Variants in ADAMTSL3 observed in about 807,000 individuals in gnomAD.
ADAMTSL3 encodes ADAMTS-like protein 3.
ADAMTSL3 carries 128 observed loss-of-function variants against 201.7 expected under a neutral mutation model. The observed-to-expected ratio is 0.63, with a 90% CI of 0.55 to 0.73. The LOEUF is 0.73. ADAMTSL3 is among the 30% of genes least tolerant of loss of function. The pLI is 0.00. For synonymous variants in ADAMTSL3, 738 were observed against 748.4 expected (o/e 0.99, Z 0.23); for missense variants, 1,990 against 2,119.6 (o/e 0.94, Z 1.20).
At chr15:84,030,215 G>A (rs923478548) in intron 27 of ADAMTSL3, among the ~76,000 whole-genome samples, 1 of 152,120 alleles carries the variant, frequency 6.6e-6, no homozygotes, top group African/African-American at 2.4e-5. Flanking sequence ...TAGATCTACT[G>A]ACAGCTTGTG....
At chr15:83,849,188 A>G (rs917810600) in intron 7 of ADAMTSL3, among the ~76,000 whole-genome samples, 2 of 152,170 alleles carry the variant, frequency 1.3e-5, no homozygotes, top group Admixed American at 6.6e-5. Flanking sequence ...ATGCAATAGC[A>G]TAATCCTGGC....
intron 15 of ADAMTSL3, among the ~76,000 whole-genome samples, chr15:83,910,056 G>A (rs772450277): frequency 5.9e-5 from 9 of 152,064 alleles, no homozygotes; most frequent in Non-Finnish European, 1.3e-4. Context: ...TCTGGCCTCT[G>A]TGTCATTAAT....
At chr15:83,879,365 C>A (rs2065232806) in intron 9 of ADAMTSL3, among the ~76,000 whole-genome samples, 1 of 152,014 alleles carries the variant, frequency 6.6e-6, no homozygotes, top group African/African-American at 2.4e-5. Context: ...CATCTTTTCT[C>A]CCTAAAACAT....
chr15:84,023,755 A>T (rs902872616), intron 26 of ADAMTSL3, among the ~76,000 whole-genome samples: 3 of 152,172 alleles, frequency 2.0e-5, no homozygotes, highest in African/African-American at 7.2e-5. Flanking sequence ...ACACTTTCAT[A>T]CCTAGAAGAG....
At chr15:83,822,200 G>T (rs1029889858) in intron 6 of ADAMTSL3, among the ~76,000 whole-genome samples, 1 of 150,784 alleles carries the variant, frequency 6.6e-6, no homozygotes, top group African/African-American at 2.4e-5. Flanking sequence ...CTCCCGGACG[G>T]GGTGGCTGCC....
chr15:84,025,198 A>G (rs934664066), intron 26 of ADAMTSL3, 40 bp from the exon 27 acceptor site: 10 of 1,526,740 alleles, frequency 6.5e-6, no homozygotes, highest in Middle Eastern at 1.8e-4. Context: ...AAGATCTGGC[A>G]TACCAGTCCT....
intron 2 of ADAMTSL3, among the ~76,000 whole-genome samples, chr15:83,674,758 C>CATATATACATATAT (rs1567064150): frequency 4.1e-5 from 4 of 97,210 alleles, no homozygotes; most frequent in Non-Finnish European, 4.1e-5. Context: ...TATATACACA[C>CATATATACATATAT]ATATATACAT....
chr15:83,877,167 T>G (rs1285857696), intron 9 of ADAMTSL3, among the ~76,000 whole-genome samples: 2 of 152,206 alleles, frequency 1.3e-5, no homozygotes, highest in East Asian at 3.8e-4. Flanking sequence ...CTCAAACTCC[T>G]GAGCTCAAGC....
intron 6 of ADAMTSL3, among the ~76,000 whole-genome samples, chr15:83,820,815 C>T (rs1375814252): frequency 6.6e-6 from 1 of 152,182 alleles, no homozygotes; most frequent in Non-Finnish European, 1.5e-5. Flanking sequence ...GAGGCTCACC[C>T]TGTAATCCCA....
At chr15:83,712,133 C>G (rs1363185402) in intron 3 of ADAMTSL3, among the ~76,000 whole-genome samples, 2 of 152,220 alleles carry the variant, frequency 1.3e-5, no homozygotes, top group Non-Finnish European at 2.9e-5. Flanking sequence ...TTGTTTTGAG[C>G]AACTCAGTTC....
chr15:83,871,156 T>C, intron 9 of ADAMTSL3, among the ~76,000 whole-genome samples, 197 bp downstream of exon 9: 1 of 152,234 alleles, frequency 6.6e-6, no homozygotes, highest in Non-Finnish European at 1.5e-5. Context: ...ACCCTAACAG[T>C]TAAAAAACAA....
chr15:83,895,861 CATTAAA>C (rs1353781390), intron 13 of ADAMTSL3, among the ~76,000 whole-genome samples: 2 of 152,106 alleles, frequency 1.3e-5, no homozygotes, highest in Admixed American at 1.3e-4. Flanking sequence ...TCGCTGAACT[CATTAAA>C]GTATTTGTTC....
chr15:83,942,130 A>G (rs1433869189), intron 17 of ADAMTSL3, among the ~76,000 whole-genome samples: 1 of 152,252 alleles, frequency 6.6e-6, no homozygotes, highest in African/African-American at 2.4e-5. Context: ...ATCACATTAT[A>G]TATATGTTGT....
intron 5 of ADAMTSL3, among the ~76,000 whole-genome samples, chr15:83,806,717 G>A (rs1477806116): frequency 6.6e-6 from 1 of 152,070 alleles, no homozygotes; most frequent in African/African-American, 2.4e-5. Flanking sequence ...AGCCAGGTGT[G>A]GTGGCACTCA....
At chr15:83,805,219 A>G (rs2063583253) in intron 5 of ADAMTSL3, among the ~76,000 whole-genome samples, 1 of 152,224 alleles carries the variant, frequency 6.6e-6, no homozygotes, top group South Asian at 2.1e-4. Context: ...CTTATTTTAC[A>G]TCAGTCAACA....
At chr15:83,722,240 A>G (rs2062111679) in intron 3 of ADAMTSL3, among the ~76,000 whole-genome samples, 1 of 152,198 alleles carries the variant, frequency 6.6e-6, no homozygotes, top group African/African-American at 2.4e-5. Context: ...GGACAGGGAA[A>G]TAAAATCAAC....
At chr15:83,855,562 G>T (rs1026882001) in intron 7 of ADAMTSL3, among the ~76,000 whole-genome samples, 1 of 152,162 alleles carries the variant, frequency 6.6e-6, no homozygotes, top group African/African-American at 2.4e-5. Context: ...TGCAAAGTCT[G>T]CCAGGCTGCT....
chr15:83,939,625 C>CTT (rs561880272), intron 17 of ADAMTSL3, among the ~76,000 whole-genome samples: 3 of 140,384 alleles, frequency 2.1e-5, no homozygotes, highest in Non-Finnish European at 3.1e-5. Flanking sequence ...GAAGGACCAA[C>CTT]TTTTTTTTTT....
intron 4 of ADAMTSL3, among the ~76,000 whole-genome samples, chr15:83,791,488 T>C (rs1407145902): frequency 6.6e-6 from 1 of 152,034 alleles, no homozygotes; most frequent in Non-Finnish European, 1.5e-5. Flanking sequence ...GAAAAGACAA[T>C]TGTCTCTTCA....
Sources: gnomAD v4.1 joint callset for allele counts (sites outside exome capture counted in the v4.1 genomes callset) on GRCh38, gnomAD v4.1.1 for gene constraint, MANE v1.5 for transcripts, NCBI Gene and HGNC (gene_info 2026-07-23, HGNC 2026-07-21) for gene names.